Variants in CNTN4 observed in about 807,000 individuals in gnomAD.
CNTN4 encodes the protein contactin-4.
In CNTN4, 77 loss-of-function variants were observed where a neutral mutation model predicts 122.5. The observed-to-expected ratio is 0.63, with a 90% confidence interval of 0.52 to 0.76. The LOEUF is 0.76. Among genes scored for constraint, CNTN4 ranks in the 30% least tolerant of loss-of-function variants. The pLI, the probability that CNTN4 is intolerant of heterozygous loss-of-function variation, is 0.00. For synonymous variants in CNTN4, 512 were observed against 447.0 expected (o/e 1.15, Z -1.83); for missense variants, 1,256 against 1,259.1 (o/e 1.00, Z 0.04).
chr3:2,561,081 T>C (rs2078933879), intron 3 of CNTN4, among the ~76,000 whole-genome samples: 1 of 152,220 alleles, frequency 6.6e-6, no homozygotes, highest in African/African-American at 2.4e-5. Flanking sequence ...CCACTAAGTG[T>C]ATCCAAGTAA....
intron 6 of CNTN4, among the ~76,000 whole-genome samples, chr3:2,812,958 C>G (rs894419691): frequency 6.6e-6 from 1 of 152,192 alleles, no homozygotes; most frequent in Non-Finnish European, 1.5e-5. Context: ...TTGCTATATA[C>G]TCTCTTACAG....
At chr3:2,695,717 G>C (rs1455235826) in intron 4 of CNTN4, among the ~76,000 whole-genome samples, 3 of 152,202 alleles carry the variant, frequency 2.0e-5, no homozygotes, top group African/African-American at 4.8e-5. Flanking sequence ...ATTTCAATAT[G>C]ATGCTGCAAG....
At chr3:2,288,344 G>C (rs1230743499) in intron 2 of CNTN4, among the ~76,000 whole-genome samples, 1 of 152,070 alleles carries the variant, frequency 6.6e-6, no homozygotes, top group African/African-American at 2.4e-5. Context: ...GAGATCACAG[G>C]GCCAGAAGGA....
intron 4 of CNTN4, among the ~76,000 whole-genome samples, chr3:2,590,885 G>A (rs958532784): frequency 2.6e-5 from 4 of 151,876 alleles, no homozygotes; most frequent in Non-Finnish European, 5.9e-5. Context: ...AAAAAAAGCT[G>A]TATTGAAGTA....
chr3:2,971,877 AT>A (rs1339854311), intron 13 of CNTN4, among the ~76,000 whole-genome samples: 1 of 152,222 alleles, frequency 6.6e-6, no homozygotes, highest in Non-Finnish European at 1.5e-5. Flanking sequence ...CAATGAAAGC[AT>A]TAACTCTCAT....
intron 4 of CNTN4, among the ~76,000 whole-genome samples, chr3:2,611,309 A>AAAG (rs200278304): frequency 7.2e-6 from 1 of 138,086 alleles, no homozygotes; most frequent in Non-Finnish European, 1.5e-5. Context: ...AAAAAAAAAA[A>AAAG]AAAGAAAGAA....
chr3:2,903,157 G>T, intron 12 of CNTN4, 152 bp downstream of exon 12: 1 of 727,316 alleles, frequency 1.4e-6, no homozygotes, highest in South Asian at 1.8e-5. Context: ...TAATAAGCAA[G>T]TCTATAAACA....
intron 2 of CNTN4, among the ~76,000 whole-genome samples, chr3:2,193,231 C>T (rs1054424536): frequency 2.0e-5 from 3 of 152,018 alleles, no homozygotes; most frequent in Admixed American, 6.6e-5. Flanking sequence ...TTGGAAAATT[C>T]CCTCCACATA....
intron 3 of CNTN4, among the ~76,000 whole-genome samples, chr3:2,558,690 C>G: frequency 6.6e-6 from 1 of 152,100 alleles, no homozygotes. Context: ...CACATAAATT[C>G]TTAATTTCCT....
chr3:2,733,210 T>G (rs571965311), intron 4 of CNTN4, among the ~76,000 whole-genome samples: 1 of 152,216 alleles, frequency 6.6e-6, no homozygotes, highest in Non-Finnish European at 1.5e-5. Context: ...GGAACACCAA[T>G]GAATTGAGAT....
At chr3:2,238,200 T>C (rs1219026988) in intron 2 of CNTN4, among the ~76,000 whole-genome samples, 1 of 152,134 alleles carries the variant, frequency 6.6e-6, no homozygotes, top group East Asian at 1.9e-4. Flanking sequence ...TAAATAATTA[T>C]ATGGTGAAGG....
chr3:2,610,519 C>T (rs961315324), intron 4 of CNTN4, among the ~76,000 whole-genome samples: 4 of 152,128 alleles, frequency 2.6e-5, no homozygotes, highest in South Asian at 2.1e-4. Flanking sequence ...TCCACTGAGT[C>T]GCATTTCAGC....
At chr3:2,981,373 GTT>G (rs1693982649) in intron 13 of CNTN4, among the ~76,000 whole-genome samples, 14 of 151,840 alleles carry the variant, frequency 9.2e-5, no homozygotes, top group Admixed American at 5.2e-4. Flanking sequence ...GAACCCAGGA[GTT>G]GGAGCTTGCA....
intron 3 of CNTN4, among the ~76,000 whole-genome samples, chr3:2,339,710 A>G (rs1224545619): frequency 6.6e-6 from 1 of 152,162 alleles, no homozygotes; most frequent in Non-Finnish European, 1.5e-5. Flanking sequence ...AATGTATGCA[A>G]ATTTTTTCCT....
chr3:2,280,464 G>C (rs2041675340), intron 2 of CNTN4, among the ~76,000 whole-genome samples: 1 of 151,998 alleles, frequency 6.6e-6, no homozygotes, highest in African/African-American at 2.4e-5. Flanking sequence ...TTAGCTCTGA[G>C]GATACAAATG....
At chr3:2,486,413 A>C (rs185555771) in intron 3 of CNTN4, among the ~76,000 whole-genome samples, 11 of 152,336 alleles carry the variant, frequency 7.2e-5, no homozygotes, top group African/African-American at 2.6e-4. Flanking sequence ...AAGGTAGTAA[A>C]CATCTGACTA....
intron 4 of CNTN4, among the ~76,000 whole-genome samples, chr3:2,612,737 T>G (rs933268386): frequency 4.6e-5 from 7 of 152,198 alleles, no homozygotes; most frequent in Admixed American, 4.6e-4. Context: ...AAGCTTTTCA[T>G]GTCTCTATTA....
At chr3:2,469,299 A>G (rs532243891) in intron 3 of CNTN4, among the ~76,000 whole-genome samples, 14 of 152,324 alleles carry the variant, frequency 9.2e-5, no homozygotes, top group African/African-American at 3.1e-4. Flanking sequence ...TTAAAGTTGA[A>G]GCTATTCAGA....
chr3:2,242,099 A>T (rs2039964417), intron 2 of CNTN4, among the ~76,000 whole-genome samples: 1 of 152,198 alleles, frequency 6.6e-6, no homozygotes, highest in Non-Finnish European at 1.5e-5. Flanking sequence ...GAACACAATT[A>T]TTTTAAAATA....
Sources: allele counts gnomAD v4.1 joint callset (sites outside exome capture counted in the v4.1 genomes callset), GRCh38; gene constraint gnomAD v4.1.1; transcripts MANE v1.5; gene names NCBI Gene and HGNC (gene_info 2026-07-23, HGNC 2026-07-21).